Variants in CDYL2 observed in about 807,000 individuals in gnomAD.
CDYL2 encodes chromodomain Y like 2.
In CDYL2, 23 loss-of-function variants were observed where a neutral mutation model predicts 49.4. That is an observed-to-expected ratio of 0.47 (90% CI 0.34 to 0.66). The LOEUF is 0.66. Ranked by LOEUF, CDYL2 falls within the 30% of genes least tolerant of loss-of-function variation. The pLI, the probability that CDYL2 is intolerant of heterozygous loss-of-function variation, is 0.01. For missense variants in CDYL2, 678 were observed against 656.4 expected, an observed-to-expected ratio of 1.03 and a Z score of -0.36; for synonymous variants, 360 against 268.8, an observed-to-expected ratio of 1.34 and a Z score of -3.32.
At chr16:80,617,049 A>T (rs1421172962) in intron 4 of CDYL2, among the ~76,000 whole-genome samples, 1 of 152,220 alleles carries the variant, frequency 6.6e-6, no homozygotes, top group Non-Finnish European at 1.5e-5. Context: ...TGAACAAGCC[A>T]CCTTGTCACC....
intron 1 of CDYL2, among the ~76,000 whole-genome samples, chr16:80,723,751 T>C (rs949234825): frequency 1.3e-5 from 2 of 152,192 alleles, no homozygotes; most frequent in African/African-American, 4.8e-5. Context: ...TGAGTAGTGG[T>C]GACAGAGACC....
chr16:80,742,978 A>G, intron 1 of CDYL2, among the ~76,000 whole-genome samples: 1 of 127,124 alleles, frequency 7.9e-6, no homozygotes, highest in Middle Eastern at 4.1e-3. Context: ...GGATGAATCG[A>G]TAGGTGAGTA....
chr16:80,691,242 G>A (rs1275248271), intron 1 of CDYL2, among the ~76,000 whole-genome samples: 2 of 152,160 alleles, frequency 1.3e-5, no homozygotes, highest in African/African-American at 4.8e-5. Flanking sequence ...GGGGGCGGAA[G>A]GGCGAAGGCA....
intron 2 of CDYL2, among the ~76,000 whole-genome samples, chr16:80,658,625 G>A (rs1238857538): frequency 6.6e-6 from 1 of 152,184 alleles, no homozygotes; most frequent in Non-Finnish European, 1.5e-5. Context: ...AGAATCCAGT[G>A]AGGTTAAAAT....
At chr16:80,615,057 A>G (rs1473456301) in intron 4 of CDYL2, among the ~76,000 whole-genome samples, 1 of 152,094 alleles carries the variant, frequency 6.6e-6, no homozygotes, top group African/African-American at 2.4e-5. Context: ...AGTCATCATA[A>G]AAGTACGTGC....
chr16:80,768,375 C>A (rs370911305), intron 1 of CDYL2, among the ~76,000 whole-genome samples: 3 of 152,344 alleles, frequency 2.0e-5, no homozygotes, highest in African/African-American at 7.2e-5. Flanking sequence ...TAACCAGTGT[C>A]CATGTGTCTT....
intron 1 of CDYL2, among the ~76,000 whole-genome samples, chr16:80,721,299 T>G (rs1904990538): frequency 6.6e-6 from 1 of 152,238 alleles, no homozygotes; most frequent in South Asian, 2.1e-4. Context: ...CATTCCCATT[T>G]GATACCTAAG....
chr16:80,706,798 C>T (rs1323887297), intron 1 of CDYL2, among the ~76,000 whole-genome samples: 1 of 152,162 alleles, frequency 6.6e-6, no homozygotes, highest in Non-Finnish European at 1.5e-5. Context: ...CAAGAGTACA[C>T]AATGGAAAAT....
At chr16:80,750,735 T>G (rs1418733845) in intron 1 of CDYL2, among the ~76,000 whole-genome samples, 1 of 152,152 alleles carries the variant, frequency 6.6e-6, no homozygotes, top group African/African-American at 2.4e-5. Flanking sequence ...ATAAACTATT[T>G]CAGGCTGGGC....
intron 2 of CDYL2, among the ~76,000 whole-genome samples, chr16:80,656,831 G>A (rs1908835286): frequency 6.6e-6 from 1 of 152,138 alleles, no homozygotes; most frequent in Non-Finnish European, 1.5e-5. Flanking sequence ...GGGAAGATGT[G>A]GGTTCTTCAA....
chr16:80,692,056 C>T, intron 1 of CDYL2, among the ~76,000 whole-genome samples: 1 of 151,906 alleles, frequency 6.6e-6, no homozygotes, highest in South Asian at 2.1e-4. Context: ...GAATAGATAC[C>T]TAGAAGAGTT....
chr16:80,776,925 C>A (rs1907103682), intron 1 of CDYL2, among the ~76,000 whole-genome samples: 1 of 151,856 alleles, frequency 6.6e-6, no homozygotes, highest in Admixed American at 6.6e-5. Flanking sequence ...TCAAGCCATT[C>A]TCCTGCCTCG....
chr16:80,637,358 T>C (rs936153341), intron 2 of CDYL2, among the ~76,000 whole-genome samples: 8 of 152,170 alleles, frequency 5.3e-5, no homozygotes, highest in African/African-American at 1.7e-4. Flanking sequence ...AAGAAAAAGA[T>C]GTTCTCTCTC....
At chr16:80,789,568 C>T (rs1357600077) in intron 1 of CDYL2, among the ~76,000 whole-genome samples, 1 of 151,972 alleles carries the variant, frequency 6.6e-6, no homozygotes, top group African/African-American at 2.4e-5. Flanking sequence ...CCACTGCACT[C>T]CAGCCTGGGC....
intron 1 of CDYL2, among the ~76,000 whole-genome samples, chr16:80,789,562 T>C (rs1907544057): frequency 6.6e-6 from 1 of 151,718 alleles, no homozygotes; most frequent in African/African-American, 2.4e-5. Context: ...ATCACACCAC[T>C]GCACTCCAGC....
At chr16:80,638,373 C>G (rs1223453085) in intron 2 of CDYL2, among the ~76,000 whole-genome samples, 1 of 152,182 alleles carries the variant, frequency 6.6e-6, no homozygotes, top group African/African-American at 2.4e-5. Flanking sequence ...CCACACTTCG[C>G]CAAGACTCAA....
intron 1 of CDYL2, among the ~76,000 whole-genome samples, chr16:80,719,862 T>C (rs917609091): frequency 2.6e-5 from 4 of 152,166 alleles, no homozygotes; most frequent in African/African-American, 4.8e-5. Context: ...AAAGACATTG[T>C]TGGGACCTGC....
At chr16:80,626,530 T>C (rs1485204894) in intron 3 of CDYL2, among the ~76,000 whole-genome samples, 1 of 152,158 alleles carries the variant, frequency 6.6e-6, no homozygotes, top group Non-Finnish European at 1.5e-5. Context: ...AATTTAGGGA[T>C]AACTTCTTAA....
intron 2 of CDYL2, among the ~76,000 whole-genome samples, chr16:80,636,101 A>C (rs1597139093): frequency 6.6e-6 from 1 of 152,012 alleles, no homozygotes; most frequent in East Asian, 1.9e-4. Context: ...CCTAAAGCCT[A>C]ACTCTAGAAG....
Sources: gnomAD v4.1 joint callset for allele counts (sites outside exome capture counted in the v4.1 genomes callset) on GRCh38, gnomAD v4.1.1 for gene constraint, MANE v1.5 for transcripts, NCBI Gene and HGNC (gene_info 2026-07-23, HGNC 2026-07-21) for gene names.